The following FGF12 variants were observed in gnomAD, a reference collection of about 807,000 sequenced individuals.
FGF12 encodes fibroblast growth factor 12B.
Under a neutral mutation model 23.6 loss-of-function variants are expected in FGF12, and 14 were observed. That is an observed-to-expected ratio of 0.59 (90% CI 0.39 to 0.93). The LOEUF (loss-of-function observed/expected upper bound fraction) is 0.93, where lower values mean the gene tolerates loss of function less well. Ranked by LOEUF, FGF12 falls within the 40% of genes least tolerant of loss-of-function variation. FGF12 has a pLI of 0.00. For missense variants in FGF12, 175 were observed against 217.8 expected (o/e 0.80, Z 1.24); for synonymous variants, 62 against 77.3 (o/e 0.80, Z 1.04).
At chr3:192,720,445 A>T (rs1719001871) in intron 2 of FGF12, among the ~76,000 whole-genome samples, 1 of 152,240 alleles carries the variant, frequency 6.6e-6, no homozygotes, top group South Asian at 2.1e-4. Context: ...AAGGAGACAG[A>T]GACTATTTCA....
At chr3:192,707,996 G>A (rs960302862) in intron 2 of FGF12, among the ~76,000 whole-genome samples, 4 of 152,080 alleles carry the variant, frequency 2.6e-5, no homozygotes, top group Non-Finnish European at 5.9e-5. Flanking sequence ...GTCTCGCTCT[G>A]TCACCCAGGC....
At chr3:192,532,527 G>A (rs912018802) in intron 2 of FGF12, among the ~76,000 whole-genome samples, 1 of 152,124 alleles carries the variant, frequency 6.6e-6, no homozygotes, top group African/African-American at 2.4e-5. Context: ...AAGCAATTGA[G>A]TTCTTGATTT....
chr3:192,298,083 A>C (rs1357478675), intron 4 of FGF12, among the ~76,000 whole-genome samples: 1 of 152,232 alleles, frequency 6.6e-6, no homozygotes, highest in Non-Finnish European at 1.5e-5. Context: ...AACACAGTGC[A>C]TGGCACACAG....
intron 4 of FGF12, among the ~76,000 whole-genome samples, chr3:192,285,111 T>C (rs1336079174): frequency 6.6e-6 from 1 of 152,082 alleles, no homozygotes; most frequent in Non-Finnish European, 1.5e-5. Flanking sequence ...AAATGCAGTG[T>C]TCAAGTCTTG....
intron 2 of FGF12, among the ~76,000 whole-genome samples, chr3:192,686,048 G>C (rs1223415818): frequency 6.6e-6 from 1 of 152,212 alleles, no homozygotes; most frequent in African/African-American, 2.4e-5. Context: ...GAAGGAAGGA[G>C]CTAGAAAGAG....
intron 2 of FGF12, among the ~76,000 whole-genome samples, chr3:192,387,616 G>A (rs1460940982): frequency 6.6e-6 from 1 of 152,014 alleles, no homozygotes; most frequent in African/African-American, 2.4e-5. Flanking sequence ...AGGAGGCTGA[G>A]GCCAGAAGAT....
At chr3:192,683,051 T>A (rs1717593090) in intron 2 of FGF12, among the ~76,000 whole-genome samples, 2 of 152,228 alleles carry the variant, frequency 1.3e-5, no homozygotes, top group Admixed American at 1.3e-4. Context: ...TGCTTCTGAA[T>A]CGTATCCCTA....
At chr3:192,460,675 C>A (rs549816051) in intron 2 of FGF12, among the ~76,000 whole-genome samples, 1 of 133,958 alleles carries the variant, frequency 7.5e-6, no homozygotes, top group Admixed American at 7.2e-5. Flanking sequence ...CACACACACA[C>A]ATATATTTAT....
intron 4 of FGF12, among the ~76,000 whole-genome samples, chr3:192,175,726 G>A (rs1040916863): frequency 2.0e-5 from 3 of 152,080 alleles, no homozygotes; most frequent in African/African-American, 7.2e-5. Flanking sequence ...TAATCCAGAT[G>A]ATGAATGAAT....
At chr3:192,200,216 C>A (rs565793764) in intron 4 of FGF12, among the ~76,000 whole-genome samples, 25 of 151,656 alleles carry the variant, frequency 1.6e-4, no homozygotes, top group African/African-American at 6.0e-4. Context: ...GTAGTCCCAG[C>A]TACTCCGGAG....
intron 2 of FGF12, among the ~76,000 whole-genome samples, chr3:192,675,829 G>T (rs1717307951): frequency 6.6e-6 from 1 of 152,088 alleles, no homozygotes; most frequent in African/African-American, 2.4e-5. Context: ...GAATAGCTAG[G>T]CAGATCAGTG....
At chr3:192,557,890 C>A (rs997703297) in intron 2 of FGF12, among the ~76,000 whole-genome samples, 2 of 151,690 alleles carry the variant, frequency 1.3e-5, no homozygotes, top group African/African-American at 4.8e-5. Flanking sequence ...AACAAACACT[C>A]AAAAAACTAG....
intron 4 of FGF12, among the ~76,000 whole-genome samples, chr3:192,195,381 T>C (rs1034951530): frequency 2.6e-5 from 4 of 152,356 alleles, no homozygotes; most frequent in East Asian, 3.9e-4. Context: ...TCAAAACATT[T>C]AGGTCAAAAA....
chr3:192,701,236 T>C (rs1014576188), intron 2 of FGF12, among the ~76,000 whole-genome samples: 6 of 152,208 alleles, frequency 3.9e-5, no homozygotes, highest in Admixed American at 3.9e-4. Context: ...ACCTATGACC[T>C]GGGAGCCCTG....
At chr3:192,472,210 G>A (rs1331305096) in intron 2 of FGF12, among the ~76,000 whole-genome samples, 1 of 152,050 alleles carries the variant, frequency 6.6e-6, no homozygotes, top group Non-Finnish European at 1.5e-5. Flanking sequence ...TAGAGACGGG[G>A]TTTCACCATG....
intron 4 of FGF12, among the ~76,000 whole-genome samples, chr3:192,221,338 T>C (rs1383542319): frequency 1.3e-5 from 2 of 152,212 alleles, no homozygotes; most frequent in East Asian, 3.8e-4. Flanking sequence ...TGCAAGCCAT[T>C]AATCTGACAG....
At chr3:192,174,397 C>G (rs1316857268) in intron 4 of FGF12, among the ~76,000 whole-genome samples, 1 of 151,966 alleles carries the variant, frequency 6.6e-6, no homozygotes, top group Admixed American at 6.6e-5. Context: ...CAATGAAAAG[C>G]CAAGTGGAGT....
chr3:192,427,556 T>C (rs1721732848), intron 2 of FGF12, among the ~76,000 whole-genome samples: 1 of 152,218 alleles, frequency 6.6e-6, no homozygotes, highest in Non-Finnish European at 1.5e-5. Context: ...TAGGACAATC[T>C]GACGTTAATT....
intron 2 of FGF12, among the ~76,000 whole-genome samples, chr3:192,592,457 C>T (rs1180567793): frequency 6.6e-6 from 1 of 151,780 alleles, no homozygotes; most frequent in Non-Finnish European, 1.5e-5. Context: ...GTCACAGATC[C>T]TTCTTTTCTG....
Sources: gnomAD v4.1 joint callset for allele counts (sites outside exome capture counted in the v4.1 genomes callset) on GRCh38, gnomAD v4.1.1 for gene constraint, MANE v1.5 for transcripts, NCBI Gene and HGNC (gene_info 2026-07-23, HGNC 2026-07-21) for gene names.